MICAL3: variants seen among roughly 807,000 people sequenced by gnomAD.
MICAL3 encodes [F-actin]-monooxygenase MICAL3.
MICAL3 carries 62 observed loss-of-function variants against 207.4 expected under a neutral mutation model. That is an observed-to-expected ratio of 0.30 (90% CI 0.24 to 0.37). The LOEUF is 0.37. Among genes scored for constraint, MICAL3 ranks in the 10% least tolerant of loss-of-function variants. The pLI is 1.00. For missense variants in MICAL3, 2,368 were observed against 2,635.6 expected (o/e 0.90, Z 2.22); for synonymous variants, 1,077 against 1,069.3 (o/e 1.01, Z -0.14).
At chr22:17,798,372 G>A (rs965125832) in intron 29 of MICAL3, among the ~76,000 whole-genome samples, 4 of 152,156 alleles carry the variant, frequency 2.6e-5, no homozygotes, top group Non-Finnish European at 5.9e-5. Context: ...CCACACTTTT[G>A]GAACATCCTG....
intron 6 of MICAL3, among the ~76,000 whole-genome samples, chr22:17,899,790 A>C (rs946247727): frequency 2.0e-5 from 3 of 152,212 alleles, no homozygotes; most frequent in Non-Finnish European, 2.9e-5. Flanking sequence ...CAGTAAACAG[A>C]ACTGTTTTTA....
intron 1 of MICAL3, chr22:18,004,936 T>TTG (rs1314102719): frequency 6.6e-6 from 1 of 151,584 alleles, no homozygotes; most frequent in African/African-American, 2.4e-5. Context: ...TTATTTTGTT[T>TTG]TTTTTTATTT....
intron 10 of MICAL3, 99 bp downstream of exon 10, chr22:17,895,185 G>C (rs1930724021): frequency 1.6e-6 from 2 of 1,226,208 alleles, no homozygotes; most frequent in Non-Finnish European, 2.3e-6. Context: ...AAGTATCCTT[G>C]TATGTGTGGT....
At chr22:17,948,152 C>T (rs5992910) in intron 1 of MICAL3, among the ~76,000 whole-genome samples, 1 of 152,206 alleles carries the variant, frequency 6.6e-6, no homozygotes, top group South Asian at 2.1e-4. Context: ...AAAGAAATCA[C>T]ACTGCAGTCT....
chr22:17,817,957 C>T lies in MICAL3; in HGVS notation c.4704G>A (p.Leu1568=), dbSNP rs1360538380. 6.2e-7 allele frequency: 1 copy of T among 1,612,514 alleles called. No individual in the cohort carries two copies. The change falls in exon 26 of 32, where the codon CTG becomes CTA. Residue 1568 remains leucine, a synonymous_variant. Coordinates refer to ENST00000441493, the MANE Select transcript of MICAL3 (RefSeq NM_015241.3). ...GCTGCAGCGTCCCCTCCAGAGCAGG[C>T]AGCCTCCCGTTCTCCTTGGCCAGGG... ...HPPLAKENGR[L]PALEGTLQPQ...
At chr22:17,949,952 A>T (rs1408032071) in intron 1 of MICAL3, among the ~76,000 whole-genome samples, 1 of 152,238 alleles carries the variant, frequency 6.6e-6, no homozygotes, top group Non-Finnish European at 1.5e-5. Context: ...CATGCTGCTG[A>T]CCAACAGGAG....
At chr22:17,951,064 G>A (rs1934325441) in intron 1 of MICAL3, among the ~76,000 whole-genome samples, 1 of 152,206 alleles carries the variant, frequency 6.6e-6, no homozygotes, top group Non-Finnish European at 1.5e-5. Context: ...CTCCAACTGG[G>A]CATCTGGTGA....
At chr22:17,904,030 C>T (rs1931529362) in intron 3 of MICAL3, among the ~76,000 whole-genome samples, 1 of 152,216 alleles carries the variant, frequency 6.6e-6, no homozygotes, top group South Asian at 2.1e-4. Context: ...AAAGCAAAGG[C>T]CCGGGCTGAG....
At chr22:17,825,835 C>T (rs5992862) in intron 22 of MICAL3, among the ~76,000 whole-genome samples, 22,093 of 152,084 alleles carry the variant, frequency 0.15, 2,526 homozygotes, top group African/African-American at 0.33. Context: ...AGTAGCCCCT[C>T]GGTGAGAAAC....
At position 17,804,517 on chromosome 22, in the gene MICAL3, T is replaced by G. The variant is rs189388732; in HGVS notation, c.5650+4327A>C. Among the ~76,000 whole-genome samples, 580 of 152,334 alleles carry G rather than the reference T, an allele frequency of 3.8e-3. 1 individual carries two copies. Among genetic ancestry groups the G allele is most frequent in the Non-Finnish European group, 5.9e-3 (401 of 68,014 alleles). The stretch of plus-strand genomic sequence containing the variant: ...ACGAGCAGAGACTCATGCAGAGTTC[T>G]TCCCCCAGGCACTCGGCCGAAGGCT... On this transcript the variant is annotated intron_variant, in intron 29 of 31. Coordinates refer to ENST00000441493, the MANE Select transcript of MICAL3 (RefSeq NM_015241.3).
At chr22:17,879,234 A>C (rs1376704983) in intron 16 of MICAL3, 1 of 894,298 alleles carries the variant, frequency 1.1e-6, no homozygotes, top group Admixed American at 3.2e-5. Context: ...GAGCGTGCAA[A>C]AAGCAAGGGG....
At position 17,896,707 on chromosome 22, in the gene MICAL3, C is replaced by T. The variant is rs1487228962; in HGVS notation, c.1206+17G>A. 3 of 1,610,582 alleles carry T rather than the reference C, an allele frequency of 1.9e-6. No homozygotes were observed. The highest frequency in any genetic ancestry group is 1.1e-5 in the South Asian group (1 of 90,766). On this transcript the variant is annotated intron_variant, in intron 8 of 31. Transcript: ENST00000441493. The stretch of plus-strand genomic sequence containing the variant: ...TTCCTGCCCCTACCACAGAGTGCTG[C>T]CATGCTTAGCACTCACCTCTAGGAG...
At chr22:17,975,948 G>A (rs528569943) in intron 1 of MICAL3, among the ~76,000 whole-genome samples, 46 of 152,266 alleles carry the variant, frequency 3.0e-4, no homozygotes, top group African/African-American at 1.1e-3. Context: ...TACTCAGGAG[G>A]CTGAGGCAGG....
chr22:17,802,009 C>A (rs1395862595), intron 29 of MICAL3, among the ~76,000 whole-genome samples: 2 of 151,948 alleles, frequency 1.3e-5, no homozygotes, highest in African/African-American at 4.8e-5. Context: ...TGGATACAAT[C>A]CTAAAGAAAC....
At chr22:18,007,462 G>A (rs1194803711) in intron 1 of MICAL3, among the ~76,000 whole-genome samples, 1 of 150,992 alleles carries the variant, frequency 6.6e-6, no homozygotes, top group African/African-American at 2.4e-5. Flanking sequence ...TCAGGGTCTT[G>A]TTCTATTTTC....
At chr22:17,877,594 G>A (rs796642438) in intron 16 of MICAL3, among the ~76,000 whole-genome samples, 1 of 146,230 alleles carries the variant, frequency 6.8e-6, no homozygotes, top group South Asian at 2.2e-4. Context: ...ATGGAGGTTA[G>A]GGAGGTTATG....
intron 19 of MICAL3, among the ~76,000 whole-genome samples, chr22:17,857,726 C>T (rs74337718): frequency 0.011 from 1,751 of 152,348 alleles, 33 homozygotes; most frequent in African/African-American, 0.04. Flanking sequence ...TGCAGCAAGG[C>T]GGAGCTGGGG....
chr22:17,795,597 A>G (rs111598864), intron 29 of MICAL3, among the ~76,000 whole-genome samples: 1 of 152,374 alleles, frequency 6.6e-6, no homozygotes, highest in African/African-American at 2.4e-5. Flanking sequence ...TGGGAACAGA[A>G]TTAGGAAATG....
chr22:17,860,628 A>G, intron 19 of MICAL3: 18 of 985,406 alleles, frequency 1.8e-5, no homozygotes, highest in Non-Finnish European at 2.2e-5. Flanking sequence ...GAGTGGGCTC[A>G]AACGGCTAAC....
Sources: gnomAD v4.1 joint callset for allele counts (sites outside exome capture counted in the v4.1 genomes callset) on GRCh38, gnomAD v4.1.1 for gene constraint, MANE v1.5 for transcripts, NCBI Gene and HGNC (gene_info 2026-07-23, HGNC 2026-07-21) for gene names.